EFHD2: variants seen among roughly 807,000 people sequenced by gnomAD.
EFHD2 encodes the protein EF-hand domain-containing protein D2.
A neutral mutation model predicts 20.3 loss-of-function variants in EFHD2; 12 were observed. That is an observed-to-expected ratio of 0.59 (90% CI 0.38 to 0.96). The LOEUF (loss-of-function observed/expected upper bound fraction) is 0.96. Ranked by LOEUF, EFHD2 falls within the 40% of genes least tolerant of loss-of-function variation. EFHD2 has a pLI of 0.00. For missense variants in EFHD2, 250 were observed against 334.3 expected (o/e 0.75, Z 1.97); for synonymous variants, 131 against 143.9 (o/e 0.91, Z 0.64).
chr1:15,411,905 C>T (rs912981056), intron 1 of EFHD2, among the ~76,000 whole-genome samples: 1 of 152,192 alleles, frequency 6.6e-6, no homozygotes, highest in Non-Finnish European at 1.5e-5. Context: ...ACCCTACTCA[C>T]CACAGCTTGC....
intron 1 of EFHD2, among the ~76,000 whole-genome samples, chr1:15,416,976 A>T (rs1707681504): frequency 6.6e-6 from 1 of 151,706 alleles, no homozygotes; most frequent in African/African-American, 2.4e-5. Context: ...CATCCAGCTA[A>T]TTTTTTTTTA....
At chr1:15,417,970 T>A (rs1707706595) in intron 1 of EFHD2, among the ~76,000 whole-genome samples, 1 of 129,784 alleles carries the variant, frequency 7.7e-6, no homozygotes, top group Non-Finnish European at 1.5e-5. Context: ...GGAGCAACTT[T>A]CTTTCTTTTT....
In EFHD2 at chr1:15,410,288, C is replaced by T; in HGVS notation, c.308+9C>T. 1 of 1,585,806 alleles carries T rather than the reference C, an allele frequency of 6.3e-7. No individual in the cohort carries two copies. Among genetic ancestry groups the T allele is most frequent in the South Asian group, 1.1e-5 (1 of 88,022 alleles). On this transcript the variant is annotated intron_variant, in intron 1 of 3. Transcript: ENST00000375980. ...GAGAAGATGTTCAAGCAGTAAGTGC[C>T]CGCGCGACCCGGCCCCCCGCCCGCC...
At chr1:15,422,992 G>C (rs538800093) in intron 1 of EFHD2, among the ~76,000 whole-genome samples, 1 of 152,300 alleles carries the variant, frequency 6.6e-6, no homozygotes, top group Non-Finnish European at 1.5e-5. Flanking sequence ...TGCTTTCCTG[G>C]GGGGCACTGA....
intron 1 of EFHD2, among the ~76,000 whole-genome samples, chr1:15,420,434 C>T (rs1389119906): frequency 5.3e-5 from 8 of 152,266 alleles, no homozygotes; most frequent in Non-Finnish European, 7.4e-5. Flanking sequence ...CTCAACCTCC[C>T]GGGCTAAAGT....
chr1:15,422,539 T>A (rs189750944), intron 1 of EFHD2, among the ~76,000 whole-genome samples: 1 of 151,604 alleles, frequency 6.6e-6, no homozygotes, highest in Non-Finnish European at 1.5e-5. Context: ...AGATGTCTCC[T>A]GGGGGGCACA....
chr1:15,419,933 C>T (rs749415895), intron 1 of EFHD2, among the ~76,000 whole-genome samples: 12 of 152,232 alleles, frequency 7.9e-5, no homozygotes, highest in Admixed American at 2.0e-4. Flanking sequence ...TGTTCAAGGG[C>T]TCTGTCCAGC....
At chr1:15,427,837 G>C (rs1468936414) in intron 3 of EFHD2, 10 of 460,446 alleles carry the variant, frequency 2.2e-5, no homozygotes, top group Admixed American at 4.8e-5. Context: ...TCCTTCCAGA[G>C]ACTGCCTCCC....
Position 15,428,895 on chromosome 1 carries a change from C to T in EFHD2, c.*171C>T, listed in dbSNP as rs1169361367. The T allele has an allele frequency of 9.9e-7, 1 of 1,007,752 alleles. No homozygotes were observed. The highest frequency in any genetic ancestry group is 1.6e-5 in the African/African-American group (1 of 61,228). 62.4% of individuals were successfully genotyped at this position (1,007,752 alleles called of 1,614,324 possible). ...GTCTTATGGAGGTGGCCCGGCCCCTCCCCGCTCCCTTCCACTCTGCACGAG... is the reference window on the plus strand; with the variant it reads ...GTCTTATGGAGGTGGCCCGGCCCCTTCCCGCTCCCTTCCACTCTGCACGAG... On this transcript the variant is annotated 3_prime_UTR_variant, in exon 4 of 4. Coordinates refer to ENST00000375980, the MANE Select transcript of EFHD2 (RefSeq NM_024329.6).
At chr1:15,425,074 G>C (rs1324187236) in intron 1 of EFHD2, among the ~76,000 whole-genome samples, 3 of 152,202 alleles carry the variant, frequency 2.0e-5, no homozygotes, top group African/African-American at 7.2e-5. Context: ...TAAGGTCTGA[G>C]GTTGAGAAAC....
chr1:15,427,158 G>C lies in EFHD2; in HGVS notation c.465G>C (p.Leu155=). The C allele has an allele frequency of 6.2e-7, 1 of 1,612,508 alleles. No individual in the cohort carries two copies. Among genetic ancestry groups the C allele is most frequent in the Non-Finnish European group, 8.5e-7 (1 of 1,179,386 alleles). ...DSKLSFREFL[L]IFRKAAAGEL... ...CTCCCTCCCCGCTGCAGTTCCTCCT[G>C]ATCTTCCGCAAGGCGGCGGCCGGGG... is the stretch of plus-strand genomic sequence containing the variant. Residue 155 remains leucine, a synonymous_variant, in exon 3 of 4, where the codon CTG becomes CTC. Transcript: ENST00000375980.
intron 1 of EFHD2, among the ~76,000 whole-genome samples, chr1:15,420,350 G>C (rs1278398445): frequency 6.6e-6 from 1 of 151,842 alleles, no homozygotes; most frequent in Non-Finnish European, 1.5e-5. Flanking sequence ...TTTTGTGTTT[G>C]TTTGTCTTTT....
chr1:15,428,636 A>T lies in EFHD2; in HGVS notation c.635A>T (p.Lys212Met). 6.2e-7 allele frequency: 1 copy of T among 1,610,982 alleles called. No individual in the cohort carries two copies. The highest frequency in any genetic ancestry group is 8.5e-7 in the Non-Finnish European group (1 of 1,179,014). Residue 212 changes from lysine to methionine, a missense_variant, in exon 4 of 4, where the codon AAG (lysine) becomes ATG (methionine). This residue lies in a region of EFHD2 where 100 missense variants were observed against 116.2 expected (regional missense o/e 0.86). Coordinates refer to ENST00000375980, the MANE Select transcript of EFHD2 (RefSeq NM_024329.6). ...TCCAGCCGCTTCGAGGAGGAGATCAAGGCAGAGCAGGAGGAAAGGAAGAAG... is the reference window on the plus strand; with the variant it reads ...TCCAGCCGCTTCGAGGAGGAGATCATGGCAGAGCAGGAGGAAAGGAAGAAG... ...NVSSRFEEEI[K>M]AEQEERKKQA...
chr1:15,426,181 C>T lies in EFHD2; in HGVS notation c.456+163C>T, dbSNP rs1338878526. Among the ~76,000 whole-genome samples the T allele has an allele frequency of 6.6e-6, 1 of 152,080 alleles. No individual in the cohort carries two copies. Among genetic ancestry groups the T allele is most frequent in the Non-Finnish European group, 1.5e-5 (1 of 68,020 alleles). On this transcript the variant is annotated intron_variant, in intron 2 of 3. Transcript: ENST00000375980. This position sits in a 1 kb window ranked among gnomAD's most constrained non-coding sequence, Gnocchi z 4.6. ...TTGGCTGAGTGAGGCTTCAGAGGGCCTGTTACAGCAGGCACCAGGGAGGGT... is the reference window on the plus strand; with the variant it reads ...TTGGCTGAGTGAGGCTTCAGAGGGCTTGTTACAGCAGGCACCAGGGAGGGT...
At chr1:15,427,598 G>C (rs1316089189) in intron 3 of EFHD2, among the ~76,000 whole-genome samples, 1 of 152,330 alleles carries the variant, frequency 6.6e-6, no homozygotes, top group African/African-American at 2.4e-5. Flanking sequence ...AGGAGGGCAG[G>C]CCCAGAAACA....
In EFHD2 at chr1:15,426,026, C is replaced by G; in HGVS notation, c.456+8C>G. ...AAGCTGAGCTTCCGGGAGGTAAGCC[C>G]GGCCCCCAGCCCCACTCCCCTACCA... On this transcript the variant is annotated splice_region_variant and intron_variant, in intron 2 of 3. Transcript: ENST00000375980. The surrounding 1 kb of genome is among the most constrained non-coding windows in gnomAD (Gnocchi z 4.6). 1.3e-6 allele frequency: 2 copies of G among 1,567,200 alleles called. No individual in the cohort carries two copies. The highest frequency in any genetic ancestry group is 8.6e-7 in the Non-Finnish European group (1 of 1,159,070).
At chr1:15,416,317 T>C (rs924656634) in intron 1 of EFHD2, among the ~76,000 whole-genome samples, 1 of 152,150 alleles carries the variant, frequency 6.6e-6, no homozygotes, top group African/African-American at 2.4e-5. Flanking sequence ...GGTCGTTTCC[T>C]CAAGGCCAGC....
In EFHD2 at chr1:15,409,996, A is replaced by C; in HGVS notation, c.25A>C (p.Lys9Gln). 1.6e-6 allele frequency: 2 copies of C among 1,254,568 alleles called. No homozygotes were observed. Among genetic ancestry groups the C allele is most frequent in the Non-Finnish European group, 2.0e-6 (2 of 1,003,858 alleles). 77.7% of individuals were successfully genotyped at this position (1,254,568 alleles called of 1,614,324 possible). A position where few individuals can be genotyped will look rare whatever the true frequency, so the allele number is the denominator to read the frequency against. MATDELATKLSRRLQMEGE... is the reference protein window; with the variant it reads MATDELATQLSRRLQMEGE... The stretch of plus-strand genomic sequence containing the variant: ...CATGGCCACGGACGAGCTGGCCACC[A>C]AGCTGAGCCGGCGGCTGCAGATGGA... Residue 9 changes from lysine to glutamine, a missense_variant, in exon 1 of 4, where the codon AAG (lysine) becomes CAG (glutamine). Around this residue, in one of 3 missense-constraint regions of EFHD2, gnomAD observed 143 missense variants for 190.6 expected, o/e 0.75. Transcript: ENST00000375980.
At chr1:15,419,208 G>A (rs1273436981) in intron 1 of EFHD2, among the ~76,000 whole-genome samples, 3 of 152,324 alleles carry the variant, frequency 2.0e-5, no homozygotes, top group East Asian at 1.9e-4. Flanking sequence ...TCGTCCTTGG[G>A]GGGTAACTGG....
Sources: allele counts gnomAD v4.1 joint callset (sites outside exome capture counted in the v4.1 genomes callset), GRCh38; gene constraint gnomAD v4.1.1; regional missense constraint gnomAD v4.1.1; non-coding constraint Gnocchi (gnomAD v3.1); transcripts MANE v1.5; gene names NCBI Gene and HGNC (gene_info 2026-07-23, HGNC 2026-07-21).